AOPEP: variants seen among roughly 807,000 people sequenced by gnomAD.
AOPEP encodes aminopeptidase O (putative), also known as aminopeptidase O.
A neutral mutation model predicts 98.1 loss-of-function variants in AOPEP; 77 were observed. The observed-to-expected ratio is 0.78, with a 90% CI of 0.65 to 0.95. The LOEUF (loss-of-function observed/expected upper bound fraction) is 0.95. Among genes scored for constraint, AOPEP ranks in the 40% least tolerant of loss-of-function variants. The probability of loss-of-function intolerance (pLI) is 0.00; values close to 1 mark genes in which losing one functional copy is unlikely to be tolerated. For missense variants in AOPEP, 1,024 were observed against 1,024.7 expected, an observed-to-expected ratio of 1.00 and a Z score of 0.01; for synonymous variants, 346 against 365.3, an observed-to-expected ratio of 0.95 and a Z score of 0.60.
At chr9:95,136,824 A>G in the AOPEP span, among the ~76,000 whole-genome samples, 1 of 152,176 alleles carries the variant, frequency 6.6e-6, no homozygotes, top group South Asian at 2.1e-4. Context: ...TTCTAAAGGA[A>G]CATATATTAA....
chr9:95,073,053 G>T (rs1288289783), intron 14 of AOPEP, among the ~76,000 whole-genome samples: 1 of 152,198 alleles, frequency 6.6e-6, no homozygotes, highest in Non-Finnish European at 1.5e-5. Context: ...GGATTCCCAG[G>T]TGCCTGTCCC....
intron 11 of AOPEP, among the ~76,000 whole-genome samples, chr9:94,986,126 C>T (rs1229096209): frequency 6.6e-6 from 1 of 152,106 alleles, no homozygotes; most frequent in African/African-American, 2.4e-5. Context: ...AGGTCCAAGA[C>T]CAAGGTGCCA....
At chr9:95,006,269 A>C (rs1439226185) in intron 13 of AOPEP, 2 of 341,664 alleles carry the variant, frequency 5.9e-6, no homozygotes, top group Admixed American at 3.8e-5. Flanking sequence ...AAAGTGAATA[A>C]TTTTTTGACA....
chr9:95,137,099 G>T, the AOPEP span, among the ~76,000 whole-genome samples: 1 of 152,170 alleles, frequency 6.6e-6, no homozygotes, highest in African/African-American at 2.4e-5. Context: ...AAACTAAAGT[G>T]GGGGCGTAAG....
intron 13 of AOPEP, among the ~76,000 whole-genome samples, chr9:95,031,944 A>G (rs1285195358): frequency 6.6e-6 from 1 of 152,162 alleles, no homozygotes; most frequent in Non-Finnish European, 1.5e-5. Flanking sequence ...TGTTTCTGCT[A>G]AAGACAGCTT....
chr9:95,107,222 G>C, the AOPEP span: 1 of 1,614,184 alleles, frequency 6.2e-7, no homozygotes, highest in South Asian at 1.1e-5. Context: ...AGAGGCTGCT[G>C]CTTCTGGACA....
chr9:94,862,627 T>C (rs1373039481), intron 5 of AOPEP, among the ~76,000 whole-genome samples: 3 of 152,214 alleles, frequency 2.0e-5, no homozygotes, highest in Non-Finnish European at 4.4e-5. Flanking sequence ...AGGCCCACCT[T>C]AAGGGCCAGC....
At chr9:94,769,156 G>T (rs995221560) in intron 2 of AOPEP, among the ~76,000 whole-genome samples, 1 of 152,158 alleles carries the variant, frequency 6.6e-6, no homozygotes, top group Non-Finnish European at 1.5e-5. Context: ...CTCTGGGAAG[G>T]CCCCATGTTC....
At chr9:95,035,144 C>T (rs1007548695) in intron 13 of AOPEP, among the ~76,000 whole-genome samples, 10 of 151,862 alleles carry the variant, frequency 6.6e-5, no homozygotes, top group African/African-American at 1.9e-4. Context: ...GACAGGCCCC[C>T]GTGTGTGATG....
rs987601681 is a variant in AOPEP at position 94,962,844 on chromosome 9, C to T, written c.1873-4914C>T. Among the ~76,000 whole-genome samples, 7 of 151,076 alleles carry T rather than the reference C, an allele frequency of 4.6e-5. No homozygotes were observed. In the East Asian group the frequency reaches 7.8e-4, roughly 17 times the overall value. The stretch of plus-strand genomic sequence containing the variant: ...GCCTTGTGGGTTCACGCCATTCTCC[C>T]GCCATTCTCCTGCCTCAGCCTCCCG... On this transcript the variant is annotated intron_variant, in intron 9 of 16. Coordinates refer to ENST00000375315, the MANE Select transcript of AOPEP (RefSeq NM_001193329.3).
chr9:94,755,187 T>C (rs954747804), intron 1 of AOPEP, among the ~76,000 whole-genome samples: 2 of 152,150 alleles, frequency 1.3e-5, no homozygotes, highest in African/African-American at 4.8e-5. Flanking sequence ...ATGTTATGGC[T>C]TATGACAGAG....
chr9:94,745,908 C>T (rs138726306), intron 1 of AOPEP, among the ~76,000 whole-genome samples: 22 of 152,184 alleles, frequency 1.4e-4, no homozygotes, highest in South Asian at 2.1e-4. Context: ...ATGGAACATA[C>T]GGTATTTCTA....
chr9:94,837,630 A>G (rs1040405922), intron 5 of AOPEP, among the ~76,000 whole-genome samples: 2 of 152,240 alleles, frequency 1.3e-5, no homozygotes, highest in African/African-American at 2.4e-5. Context: ...AATGTGATAC[A>G]CTATATAAAC....
At chr9:95,094,304 C>T in the AOPEP span, among the ~76,000 whole-genome samples, 467 of 152,324 alleles carry the variant, frequency 3.1e-3, 2 homozygotes, top group African/African-American at 0.011. Flanking sequence ...GATATATAAT[C>T]TTTTTCGATC....
chr9:94,982,702 G>T (rs1027473762), intron 11 of AOPEP, among the ~76,000 whole-genome samples: 1 of 151,304 alleles, frequency 6.6e-6, no homozygotes, highest in Admixed American at 6.6e-5. Flanking sequence ...GAGCTGCACC[G>T]CTTCCTGATG....
At chr9:94,846,539 G>A (rs2135020324) in intron 5 of AOPEP, among the ~76,000 whole-genome samples, 1 of 152,312 alleles carries the variant, frequency 6.6e-6, no homozygotes, top group Non-Finnish European at 1.5e-5. Flanking sequence ...AGGATGTGAA[G>A]CCAAGTGAGG....
At chr9:95,015,149 C>T (rs967080470) in intron 13 of AOPEP, among the ~76,000 whole-genome samples, 3 of 152,180 alleles carry the variant, frequency 2.0e-5, no homozygotes, top group Non-Finnish European at 4.4e-5. Flanking sequence ...CAACACTTTA[C>T]ACATGTAGGC....
At chr9:95,112,070 A>G in the AOPEP span, among the ~76,000 whole-genome samples, 1 of 152,244 alleles carries the variant, frequency 6.6e-6, no homozygotes, top group Non-Finnish European at 1.5e-5. Flanking sequence ...GTTCAGGTGG[A>G]TATTTCAGCA....
At chr9:94,927,408 A>G (rs12683896) in intron 6 of AOPEP, among the ~76,000 whole-genome samples, 16,889 of 152,242 alleles carry the variant, frequency 0.11, 1,895 homozygotes, top group African/African-American at 0.29. Flanking sequence ...GCTTCCCTGC[A>G]CCTTGCTCCC....
Sources: allele counts gnomAD v4.1 joint callset (sites outside exome capture counted in the v4.1 genomes callset), GRCh38; gene constraint gnomAD v4.1.1; transcripts MANE v1.5; gene names NCBI Gene and HGNC (gene_info 2026-07-23, HGNC 2026-07-21).